R3HDM2: variants seen among roughly 807,000 people sequenced by gnomAD.
The protein encoded by R3HDM2 is R3H domain containing 2.
In R3HDM2, 38 loss-of-function variants were observed where a neutral mutation model predicts 124.5. The observed-to-expected ratio is 0.31, with a 90% CI of 0.24 to 0.40. The LOEUF is 0.40. Ranked by LOEUF, R3HDM2 falls within the 10% of genes least tolerant of loss-of-function variation. R3HDM2 has a pLI of 1.00. For missense variants in R3HDM2, 869 were observed against 1,236.9 expected, an observed-to-expected ratio of 0.70 and a Z score of 4.46; for synonymous variants, 391 against 448.0, an observed-to-expected ratio of 0.87 and a Z score of 1.61.
chr12:57,333,141 T>TA (rs1231070263), intron 2 of R3HDM2, among the ~76,000 whole-genome samples: 1 of 152,178 alleles, frequency 6.6e-6, no homozygotes, highest in Non-Finnish European at 1.5e-5. Flanking sequence ...CATGATCTGC[T>TA]ATGACAAGGA....
intron 2 of R3HDM2, among the ~76,000 whole-genome samples, chr12:57,369,249 G>A (rs917003351): frequency 7.9e-5 from 12 of 152,214 alleles, no homozygotes; most frequent in African/African-American, 2.4e-4. Flanking sequence ...GATCTCTGGG[G>A]CAAACATAAC....
At chr12:57,258,185 C>T (rs1271897934) in intron 20 of R3HDM2, 48 bp from the exon 21 acceptor site, 1 of 1,394,612 alleles carries the variant, frequency 7.2e-7, no homozygotes, top group East Asian at 2.6e-5. Context: ...ACATTACCCT[C>T]TGGATATTCC....
At position 57,300,088 on chromosome 12, in the gene R3HDM2, G is replaced by A. The variant is rs1291195146; in HGVS notation, c.294+7C>T. On this transcript the variant is annotated splice_region_variant and intron_variant, in intron 5 of 23. Transcript: ENST00000402412. ...AAAAGCTACACTTACTCCTGCAAAT[G>A]ACCTACCTGGGTTTCTAATGGCCCA... The A allele has an allele frequency of 1.9e-6, 3 of 1,548,576 alleles. No individual in the cohort carries two copies. The highest frequency in any genetic ancestry group is 1.7e-4 in the Middle Eastern group (1 of 5,986).
chr12:57,395,037 T>G (rs2067281076), intron 2 of R3HDM2, among the ~76,000 whole-genome samples: 1 of 144,732 alleles, frequency 6.9e-6, no homozygotes, highest in African/African-American at 2.6e-5. Context: ...GTGAAACCCG[T>G]CTCTACTAAA....
chr12:57,343,945 A>G (rs1297337159), intron 2 of R3HDM2, among the ~76,000 whole-genome samples: 1 of 152,016 alleles, frequency 6.6e-6, no homozygotes, highest in Non-Finnish European at 1.5e-5. Flanking sequence ...CATGTTTTTG[A>G]CCTTTATTTA....
intron 11 of R3HDM2, among the ~76,000 whole-genome samples, chr12:57,291,269 T>A (rs535914415): frequency 4.2e-4 from 63 of 149,390 alleles, no homozygotes; most frequent in South Asian, 1.3e-3. Context: ...GATGAAAAAA[T>A]ATATATATAT....
Position 57,269,621 on chromosome 12 carries a change from GC to G in R3HDM2, c.1587+130del. On this transcript the variant is annotated intron_variant, in intron 15 of 23. Coordinates refer to ENST00000402412, the MANE Select transcript of R3HDM2 (RefSeq NM_001394031.1). The stretch of plus-strand genomic sequence containing the variant: ...TGTTATATAGAAAGAAGACTTTCTG[GC>G]TAGAACAACTCTCAAGTGCAAGGTA... 3 of 1,470,122 alleles carry G rather than the reference GC, an allele frequency of 2.0e-6. No individual in the cohort carries two copies. In the South Asian group the frequency reaches 4.0e-5, roughly 20 times the overall value. The allele number at this position is 1,470,122 out of a possible 1,614,324, so 91.1% of individuals were successfully genotyped here.
chr12:57,336,147 A>G (rs531620113), intron 2 of R3HDM2, among the ~76,000 whole-genome samples: 1 of 152,094 alleles, frequency 6.6e-6, no homozygotes, highest in East Asian at 1.9e-4. Context: ...AAGTCAAAAA[A>G]TAACAGATGC....
At chr12:57,322,971 T>C (rs529397534) in intron 2 of R3HDM2, among the ~76,000 whole-genome samples, 33 of 152,310 alleles carry the variant, frequency 2.2e-4, no homozygotes, top group African/African-American at 7.7e-4. Context: ...CCTGGGTCCA[T>C]CCCTATGACT....
chr12:57,407,255 A>G (rs2068609852), intron 1 of R3HDM2, among the ~76,000 whole-genome samples: 1 of 95,464 alleles, frequency 1.0e-5, no homozygotes, highest in African/African-American at 3.2e-5. Context: ...TTCTCAAGAG[A>G]AAAAAAAAAA....
intron 2 of R3HDM2, among the ~76,000 whole-genome samples, chr12:57,367,790 G>GT (rs1299321640): frequency 6.6e-6 from 1 of 152,100 alleles, no homozygotes; most frequent in East Asian, 1.9e-4. Context: ...CACCAGAACT[G>GT]TAAGTTCCCC....
chr12:57,274,153 C>T (rs982807551), intron 14 of R3HDM2, among the ~76,000 whole-genome samples: 4 of 151,892 alleles, frequency 2.6e-5, no homozygotes, highest in Non-Finnish European at 5.9e-5. Context: ...TTGGTTCAGG[C>T]ATATATATTC....
chr12:57,314,814 T>C (rs2054682004), intron 2 of R3HDM2, among the ~76,000 whole-genome samples: 1 of 152,156 alleles, frequency 6.6e-6, no homozygotes, highest in African/African-American at 2.4e-5. Context: ...GCCTCAAATT[T>C]ATTTGTCAGA....
At position 57,254,264 on chromosome 12, in the gene R3HDM2, G is replaced by T. The variant is rs2038241510; in HGVS notation, c.*509C>A. On this transcript the variant is annotated 3_prime_UTR_variant, in exon 24 of 24. Transcript: ENST00000402412. ...GCCTGTAATCCCAGCACTCTGGAAG[G>T]CCAAGGCAGGTGGATCACCTGAGGT... 2.2e-6 allele frequency: 1 copy of T among 452,838 alleles called. No individual in the cohort carries two copies. Among genetic ancestry groups the T allele is most frequent in the Admixed American group, 2.4e-5 (1 of 42,076 alleles). 28.1% of individuals were successfully genotyped at this position (452,838 alleles called of 1,614,324 possible).
intron 6 of R3HDM2, among the ~76,000 whole-genome samples, chr12:57,299,139 T>C (rs2050548047): frequency 6.6e-6 from 1 of 152,168 alleles, no homozygotes; most frequent in Non-Finnish European, 1.5e-5. Context: ...ATAATGCCAA[T>C]GCAGATGGAG....
chr12:57,392,624 A>G (rs10747779), intron 2 of R3HDM2, among the ~76,000 whole-genome samples: 147,998 of 152,092 alleles, frequency 0.97, 72,132 homozygotes, highest in Middle Eastern at 1. Flanking sequence ...ATGGAGTTTC[A>G]CTCTTGTTGC....
intron 14 of R3HDM2, among the ~76,000 whole-genome samples, chr12:57,275,895 A>G (rs1014567664): frequency 2.0e-5 from 3 of 152,234 alleles, no homozygotes; most frequent in African/African-American, 7.2e-5. Flanking sequence ...TACAGCCACT[A>G]TGGAAAACAA....
At chr12:57,426,138 G>A (rs554919036) in intron 1 of R3HDM2, among the ~76,000 whole-genome samples, 2 of 152,254 alleles carry the variant, frequency 1.3e-5, no homozygotes, top group East Asian at 1.9e-4. Flanking sequence ...TGAGGTAGGA[G>A]AATCCCTTGA....
Position 57,266,667 on chromosome 12 carries a change from A to T in R3HDM2, c.2131+64T>A. 8.3e-6 allele frequency: 11 copies of T among 1,320,934 alleles called. No individual in the cohort carries two copies. In the South Asian group the frequency reaches 9.8e-5, roughly 12 times the overall value. 81.8% of individuals were successfully genotyped at this position (1,320,934 alleles called of 1,614,324 possible). A position where few individuals can be genotyped will look rare whatever the true frequency, so the allele number is the denominator to read the frequency against. On this transcript the variant is annotated intron_variant, in intron 19 of 23. Transcript: ENST00000402412. ...TTTTTGCCCTTCCCAGCTCTAGAGC[A>T]CAGGCCCTTCAGCAATGTTTGCTCT...
Sources: allele counts gnomAD v4.1 joint callset (sites outside exome capture counted in the v4.1 genomes callset), GRCh38; gene constraint gnomAD v4.1.1; transcripts MANE v1.5; gene names NCBI Gene and HGNC (gene_info 2026-07-23, HGNC 2026-07-21).